CSTF3: variants seen among roughly 807,000 people sequenced by gnomAD.
CSTF3 encodes the protein cleavage stimulation factor subunit 3.
In CSTF3, 29 loss-of-function variants were observed where a neutral mutation model predicts 105.8. That is an observed-to-expected ratio of 0.27 (90% CI 0.20 to 0.37). The LOEUF is 0.37. Among genes scored for constraint, CSTF3 ranks in the 10% least tolerant of loss-of-function variants. The pLI is 1.00. For synonymous variants in CSTF3, 252 were observed against 281.9 expected, an observed-to-expected ratio of 0.89 and a Z score of 1.06; for missense variants, 357 against 879.3, an observed-to-expected ratio of 0.41 and a Z score of 7.51.
chr11:33,154,880 T>G (rs1849839966), intron 1 of CSTF3, among the ~76,000 whole-genome samples: 1 of 152,140 alleles, frequency 6.6e-6, no homozygotes, highest in South Asian at 2.1e-4. Context: ...GGTGTCACAA[T>G]GAGACCGGAT....
At chr11:33,153,703 TA>T (rs1849818580) in intron 1 of CSTF3, among the ~76,000 whole-genome samples, 2 of 81,762 alleles carry the variant, frequency 2.4e-5, no homozygotes, top group African/African-American at 7.1e-5. Flanking sequence ...ACCATGCAGG[TA>T]AAACAGACAA....
At position 33,090,513 on chromosome 11, in the gene CSTF3, C is replaced by G; in HGVS notation, c.1641+19G>C. ...CTGGAAAAGTGAGGACACTCCACAT[C>G]TTGATCCTAAGTACATACCTTATAA... On this transcript the variant is annotated intron_variant, in intron 17 of 20. Coordinates refer to ENST00000323959, the MANE Select transcript of CSTF3 (RefSeq NM_001326.3). 6.9e-7 allele frequency: 1 copy of G among 1,452,872 alleles called. No homozygotes were observed. 90.0% of individuals were successfully genotyped at this position (1,452,872 alleles called of 1,614,324 possible).
intron 3 of CSTF3, among the ~76,000 whole-genome samples, chr11:33,127,069 TA>T (rs1372095439): frequency 2.0e-5 from 3 of 152,156 alleles, no homozygotes; most frequent in Non-Finnish European, 4.4e-5. Flanking sequence ...ATAAAAGAGC[TA>T]ATGTAGACAA....
At chr11:33,112,703 T>C (rs750043826) in intron 3 of CSTF3, among the ~76,000 whole-genome samples, 2 of 152,204 alleles carry the variant, frequency 1.3e-5, no homozygotes, top group Non-Finnish European at 2.9e-5. Flanking sequence ...TATTATCCTA[T>C]GTATTACTTA....
At chr11:33,135,194 G>A (rs1189942125) in intron 3 of CSTF3, among the ~76,000 whole-genome samples, 1 of 152,022 alleles carries the variant, frequency 6.6e-6, no homozygotes. Context: ...GTAAAAAAAC[G>A]GTTACAGTTA....
rs1302520187 is a variant in CSTF3 at position 33,095,818 on chromosome 11, T to G, written c.1375+488A>C. Among the ~76,000 whole-genome samples the G allele has an allele frequency of 6.1e-5, 3 of 49,020 alleles. No homozygotes were observed. In the East Asian group the frequency reaches 2.0e-3, roughly 33 times the overall value. The allele number at this position is 49,020 out of a possible 152,430, so 32.2% of individuals were successfully genotyped here. ...GCCTGGGCGACAGCGAGACTCTGTCTCAAATAAATAAATAAATAAATAAAT... is the reference window on the plus strand; with the variant it reads ...GCCTGGGCGACAGCGAGACTCTGTCGCAAATAAATAAATAAATAAATAAAT... On this transcript the variant is annotated intron_variant, in intron 15 of 20. Transcript: ENST00000323959.
chr11:33,149,754 T>G (rs1475606268), intron 1 of CSTF3, among the ~76,000 whole-genome samples: 1 of 151,908 alleles, frequency 6.6e-6, no homozygotes, highest in East Asian at 1.9e-4. Flanking sequence ...CATGGTGGCT[T>G]ACGCCTGTAA....
At position 33,096,983 on chromosome 11, in the gene CSTF3, GC is replaced by G. The variant is rs11363325; in HGVS notation, c.1129-6del. The G allele has an allele frequency of 0.41, 642,414 of 1,585,680 alleles. 135,698 individuals are homozygous for G. Among genetic ancestry groups the G allele is most frequent in the Middle Eastern group, 0.46 (2,681 of 5,892 alleles). ...TTTCATATATTGGATATATACCTAT[GC>G]AAAAGAAAGTATTTGTGTTCTATAA... On this transcript the variant is annotated splice_region_variant and splice_polypyrimidine_tract_variant and intron_variant, in intron 13 of 20. Coordinates refer to ENST00000323959, the MANE Select transcript of CSTF3 (RefSeq NM_001326.3).
chr11:33,118,747 TAAA>T (rs11338805), intron 3 of CSTF3, among the ~76,000 whole-genome samples: 1 of 144,516 alleles, frequency 6.9e-6, no homozygotes. Context: ...ACCTCTGATC[TAAA>T]AAAAAAAAAC....
intron 15 of CSTF3, among the ~76,000 whole-genome samples, chr11:33,094,692 A>AT (rs1350443842): frequency 6.6e-6 from 1 of 152,198 alleles, no homozygotes; most frequent in Non-Finnish European, 1.5e-5. Context: ...ATGTAGAATC[A>AT]TTAAGCTGAA....
intron 1 of CSTF3, among the ~76,000 whole-genome samples, chr11:33,156,334 G>A (rs1849865581): frequency 6.6e-6 from 1 of 152,064 alleles, no homozygotes; most frequent in Non-Finnish European, 1.5e-5. Flanking sequence ...ACACATATAT[G>A]CACCTTGACT....
At chr11:33,122,671 T>G (rs530265464) in intron 3 of CSTF3, among the ~76,000 whole-genome samples, 1 of 151,964 alleles carries the variant, frequency 6.6e-6, no homozygotes, top group East Asian at 1.9e-4. Flanking sequence ...TCCTAGCACT[T>G]TGAGAGGCCA....
Position 33,098,778 on chromosome 11 carries a change from G to T in CSTF3, c.1054-14C>A. The stretch of plus-strand genomic sequence containing the variant: ...CTTCATGCGACTCTAAGGTGGTACA[G>T]AAGAAGTGAGTATCAACATATGGTC... On this transcript the variant is annotated splice_polypyrimidine_tract_variant and intron_variant, in intron 12 of 20. Coordinates refer to ENST00000323959, the MANE Select transcript of CSTF3 (RefSeq NM_001326.3). The T allele has an allele frequency of 6.7e-7, 1 of 1,486,756 alleles. No homozygotes were observed. Among genetic ancestry groups the T allele is most frequent in the Non-Finnish European group, 9.0e-7 (1 of 1,115,806 alleles). 92.1% of individuals were successfully genotyped at this position (1,486,756 alleles called of 1,614,324 possible).
At chr11:33,130,478 T>A (rs1427100780) in intron 3 of CSTF3, among the ~76,000 whole-genome samples, 1 of 151,830 alleles carries the variant, frequency 6.6e-6, no homozygotes, top group African/African-American at 2.4e-5. Context: ...CTCAAAACAA[T>A]GATAAATAAA....
intron 3 of CSTF3, among the ~76,000 whole-genome samples, chr11:33,117,969 C>G (rs1413259466): frequency 6.6e-6 from 1 of 151,798 alleles, no homozygotes; most frequent in African/African-American, 2.4e-5. Flanking sequence ...GACAATTTTT[C>G]TGTCTCAGTT....
intron 1 of CSTF3, among the ~76,000 whole-genome samples, chr11:33,154,886 C>T (rs947675529): frequency 2.6e-5 from 4 of 152,044 alleles, no homozygotes; most frequent in South Asian, 2.1e-4. Context: ...ACAATGAGAC[C>T]GGATATTAGG....
chr11:33,153,639 A>T (rs1350230047), intron 1 of CSTF3, among the ~76,000 whole-genome samples: 1 of 151,480 alleles, frequency 6.6e-6, no homozygotes, highest in Non-Finnish European at 1.5e-5. Context: ...TCTCATCTCT[A>T]AAAAAAATAG....
At chr11:33,148,581 A>T (rs961305045) in intron 1 of CSTF3, among the ~76,000 whole-genome samples, 1 of 150,232 alleles carries the variant, frequency 6.7e-6, no homozygotes, top group Non-Finnish European at 1.5e-5. Context: ...CTGTAGTCTC[A>T]CACACTCAGG....
intron 17 of CSTF3, among the ~76,000 whole-genome samples, chr11:33,088,548 G>A: frequency 6.6e-6 from 1 of 151,990 alleles, no homozygotes; most frequent in Non-Finnish European, 1.5e-5. Context: ...CCAAAGTGCT[G>A]GGATTACAGG....
Sources: allele counts gnomAD v4.1 joint callset (sites outside exome capture counted in the v4.1 genomes callset), GRCh38; gene constraint gnomAD v4.1.1; transcripts MANE v1.5; gene names NCBI Gene and HGNC (gene_info 2026-07-23, HGNC 2026-07-21).